AKAP12: variants seen among roughly 807,000 people sequenced by gnomAD.
AKAP12 encodes A-kinase anchor protein 12.
AKAP12 carries 32 observed loss-of-function variants against 79.9 expected under a neutral mutation model. That is an observed-to-expected ratio of 0.40 (90% confidence interval 0.30 to 0.54). The LOEUF is 0.54. AKAP12 is among the 20% of genes least tolerant of loss of function. The probability of loss-of-function intolerance (pLI) is 0.48; values close to 1 mark genes in which losing one functional copy is unlikely to be tolerated. For missense variants in AKAP12, 2,074 were observed against 2,177.0 expected, an observed-to-expected ratio of 0.95 and a Z score of 0.94; for synonymous variants, 808 against 857.0, an observed-to-expected ratio of 0.94 and a Z score of 1.00.
Position 151,351,505 on chromosome 6 carries a change from G to A in AKAP12, c.3114G>A (p.Arg1038=), listed in dbSNP as rs367681954. Residue 1038 remains arginine, a synonymous_variant, in exon 4 of 5, where the codon CGG becomes CGA. Coordinates refer to ENST00000402676, the MANE Select transcript of AKAP12 (RefSeq NM_005100.4). This position sits in a 1 kb window ranked among gnomAD's most constrained non-coding sequence, Gnocchi z 4.4. ...CTGACATAGAAGAGCAAGAGAGGCG[G>A]ACTCAAGAGGTCCTCCAGGCAGTGG... ...GVPDIEEQER[R]TQEVLQAVAE... 21 of 1,614,154 alleles carry A rather than the reference G, an allele frequency of 1.3e-5. No individual in the cohort carries two copies. The highest frequency in any genetic ancestry group is 6.7e-5 in the Admixed American group (4 of 60,022).
rs113714779 is a variant in AKAP12 at position 151,253,107 on chromosome 6, A to G, written c.162+12383A>G. 1.5e-3 allele frequency among the ~76,000 whole-genome samples: 232 copies of G among 152,308 alleles called. 1 individual carries two copies. The highest frequency in any genetic ancestry group is 5.1e-3 in the African/African-American group (212 of 41,568). ...CAGGCCCTGGGTTTTACCTGCCACA[A>G]TGATGAATTTCTATTGTCACTCCCT... On this transcript the variant is annotated intron_variant, in intron 2 of 4. Transcript: ENST00000402676.
At chr6:151,336,907 C>T (rs1777828039) in intron 3 of AKAP12, among the ~76,000 whole-genome samples, 1 of 152,044 alleles carries the variant, frequency 6.6e-6, no homozygotes, top group African/African-American at 2.4e-5. Context: ...GCCCAAGGAC[C>T]CGGTGCTAGT....
rs551923283 is a variant in AKAP12 at position 151,321,947 on chromosome 6, C to T, written c.319+16044C>T. On this transcript the variant is annotated intron_variant, in intron 3 of 4. Transcript: ENST00000402676. ...TTTTTTTGACACAGTCTCACTTTGT[C>T]GCCCAGGCTGGAGTGCAGTGGTGCG... 5.3e-4 allele frequency among the ~76,000 whole-genome samples: 67 copies of T among 125,994 alleles called. 1 individual carries two copies. Among genetic ancestry groups the T allele is most frequent in the South Asian group, 4.0e-3 (16 of 3,966 alleles). 82.7% of individuals were successfully genotyped at this position (125,994 alleles called of 152,430 possible). A position where few individuals can be genotyped will look rare whatever the true frequency, so the allele number is the denominator to read the frequency against.
At chr6:151,328,967 T>C (rs549511870) in intron 3 of AKAP12, among the ~76,000 whole-genome samples, 10 of 152,250 alleles carry the variant, frequency 6.6e-5, no homozygotes, top group African/African-American at 2.4e-4. Context: ...ATGAAATGAT[T>C]GCTTATTCAC....
chr6:151,323,980 AGTC>A, intron 3 of AKAP12: 1 of 985,332 alleles, frequency 1.0e-6, no homozygotes, highest in Non-Finnish European at 1.2e-6. Context: ...CAACATCCCA[AGTC>A]GTCTTTATCC....
chr6:151,304,028 A>G (rs1776921271), intron 2 of AKAP12, among the ~76,000 whole-genome samples: 1 of 152,222 alleles, frequency 6.6e-6, no homozygotes, highest in Admixed American at 6.5e-5. Context: ...CGGTGTCATT[A>G]TTATAAAATG....
At position 151,308,581 on chromosome 6, in the gene AKAP12, T is replaced by G. The variant is rs1719547007; in HGVS notation, c.319+2678T>G. On this transcript the variant is annotated intron_variant, in intron 3 of 4. Transcript: ENST00000402676. Reference sequence around the variant, plus strand: ...ACCTCTAGGAAAAAAGAACTAGATGTGCCTCCATACCATAGCCCAGGGCTA... The same window carrying G: ...ACCTCTAGGAAAAAAGAACTAGATGGGCCTCCATACCATAGCCCAGGGCTA... 3.3e-5 allele frequency among the ~76,000 whole-genome samples: 5 copies of G among 152,148 alleles called. No homozygotes were observed. In the South Asian group the frequency reaches 1.0e-3, roughly 32 times the overall value.
In AKAP12 at chr6:151,354,378, T is replaced by C. The variant is rs529830584; in HGVS notation, c.*12+626T>C. 4.9e-4 allele frequency among the ~76,000 whole-genome samples: 64 copies of C among 130,398 alleles called. No homozygotes were observed. In the South Asian group the frequency reaches 0.013, roughly 27 times the overall value. 85.5% of individuals were successfully genotyped at this position (130,398 alleles called of 152,430 possible). ...CATCTTTGTGGTTTTTGTTTTGTTT[T>C]GTTTTGTTTTCTTGAGACGGAGTCT... On this transcript the variant is annotated intron_variant, in intron 4 of 4. Coordinates refer to ENST00000402676, the MANE Select transcript of AKAP12 (RefSeq NM_005100.4).
intron 3 of AKAP12, among the ~76,000 whole-genome samples, chr6:151,347,390 A>G (rs1435279635): frequency 2.0e-5 from 3 of 152,092 alleles, no homozygotes; most frequent in Non-Finnish European, 4.4e-5. Flanking sequence ...CAAACCCTAT[A>G]TTTCCTGTTA....
rs1255644306 is a variant in AKAP12 at position 151,240,647 on chromosome 6, G to T, written c.85G>T (p.Gly29Cys). The change falls in exon 2 of 5, where the codon GGC becomes TGC. Residue 29 changes from glycine to cysteine, a missense_variant. Coordinates refer to ENST00000402676, the MANE Select transcript of AKAP12 (RefSeq NM_005100.4). ...CACGCCGGCTGAGCCCGAGCCCAGC[G>T]GCGGCGGCCCCTCGGCCGAGGCGGC... ...SSTPAEPEPS[G>C]GGPSAEAAPD... The T allele has an allele frequency of 1.5e-6, 2 of 1,336,282 alleles. No individual in the cohort carries two copies. The highest frequency in any genetic ancestry group is 1.9e-6 in the Non-Finnish European group (2 of 1,047,552). 82.8% of individuals were successfully genotyped at this position (1,336,282 alleles called of 1,614,324 possible). A position where few individuals can be genotyped will look rare whatever the true frequency, so the allele number is the denominator to read the frequency against.
chr6:151,288,054 G>C (rs559356545), intron 2 of AKAP12, among the ~76,000 whole-genome samples: 158 of 151,774 alleles, frequency 1.0e-3, no homozygotes, highest in Middle Eastern at 3.4e-3. Flanking sequence ...TCACACACCG[G>C]GGCCTGTTGG....
rs914330685 is a variant in AKAP12, at chr6:151,356,544, T to C, written c.*830T>C. 2 of 152,216 alleles carry C rather than the reference T, an allele frequency of 1.3e-5. No individual in the cohort carries two copies. Among genetic ancestry groups the C allele is most frequent in the African/African-American group, 4.8e-5 (2 of 41,462 alleles). The allele number at this position is 152,216 out of a possible 1,614,324, so 9.4% of individuals were successfully genotyped here. ...GAGGCAAAGTAGTGAATATGTTTTATATGTTATGAAGAAAAGAATTGTTGT... is the reference window on the plus strand; with the variant it reads ...GAGGCAAAGTAGTGAATATGTTTTACATGTTATGAAGAAAAGAATTGTTGT... On this transcript the variant is annotated 3_prime_UTR_variant, in exon 5 of 5. Coordinates refer to ENST00000402676, the MANE Select transcript of AKAP12 (RefSeq NM_005100.4).
intron 3 of AKAP12, among the ~76,000 whole-genome samples, chr6:151,333,405 C>T (rs1426084680): frequency 6.6e-6 from 1 of 152,174 alleles, no homozygotes; most frequent in Non-Finnish European, 1.5e-5. Flanking sequence ...GCTGTGTTCA[C>T]TAAGCTACAG....
intron 2 of AKAP12, among the ~76,000 whole-genome samples, chr6:151,287,675 A>T (rs1776532925): frequency 6.6e-6 from 1 of 152,222 alleles, no homozygotes. Flanking sequence ...AAGGATCTAG[A>T]ACCAGAAATA....
At chr6:151,320,221 T>C (rs1230972501) in intron 3 of AKAP12, among the ~76,000 whole-genome samples, 1 of 151,986 alleles carries the variant, frequency 6.6e-6, no homozygotes, top group Non-Finnish European at 1.5e-5. Context: ...TGTCCACTGG[T>C]CCCGCCTCCA....
chr6:151,351,484 C>G lies in AKAP12; in HGVS notation c.3093C>G (p.Asp1031Glu), dbSNP rs1275871807. The change falls in exon 4 of 5, where the codon GAC (aspartate) becomes GAG (glutamate). Residue 1031 changes from aspartate (D) to glutamate (E), a missense_variant. Asp to Glu is a conservative substitution (Grantham distance 45). Transcript: ENST00000402676. The surrounding 1 kb of genome is among the most constrained non-coding windows in gnomAD (Gnocchi z 4.4). Reference sequence around the variant, plus strand: ...AGGAGGTGGAAGGTGGCGTACCTGACATAGAAGAGCAAGAGAGGCGGACTC... The same window carrying G: ...AGGAGGTGGAAGGTGGCGTACCTGAGATAGAAGAGCAAGAGAGGCGGACTC... ...PVQEVEGGVPDIEEQERRTQE... is the reference protein window; with the variant it reads ...PVQEVEGGVPEIEEQERRTQE... The G allele has an allele frequency of 1.9e-6, 3 of 1,614,196 alleles. No individual in the cohort carries two copies. The highest frequency in any genetic ancestry group is 2.5e-6 in the Non-Finnish European group (3 of 1,180,040).
intron 2 of AKAP12, among the ~76,000 whole-genome samples, chr6:151,281,505 G>C (rs1406244566): frequency 6.6e-6 from 1 of 152,144 alleles, no homozygotes; most frequent in African/African-American, 2.4e-5. Context: ...ATATGCTTCA[G>C]ATCTCATGGT....
rs1778187916 is a variant in AKAP12, at chr6:151,348,808, G to A, written c.417G>A (p.Gln139=). The change falls in exon 4 of 5, where the codon CAG becomes CAA. Residue 139 remains glutamine, a synonymous_variant. Coordinates refer to ENST00000402676, the MANE Select transcript of AKAP12 (RefSeq NM_005100.4). ...AVVHDITDDG[Q]EETPEIIEQI... ...TTCACGACATCACAGATGATGGGCAGGAGGAGACACCCGAAATAATCGAAC... is the reference window on the plus strand; with the variant it reads ...TTCACGACATCACAGATGATGGGCAAGAGGAGACACCCGAAATAATCGAAC... The A allele has an allele frequency of 6.2e-7, 1 of 1,613,856 alleles. No individual in the cohort carries two copies. The highest frequency in any genetic ancestry group is 8.5e-7 in the Non-Finnish European group (1 of 1,179,982).
Position 151,352,917 on chromosome 6 carries a change from A to C in AKAP12, c.4526A>C (p.Lys1509Thr). The change falls in exon 4 of 5, where the codon AAG becomes ACG. Residue 1509 changes from lysine to threonine, a missense_variant. Transcript: ENST00000402676. ...DLEGEKTTSL[K>T]WKSDEVDEQV... The stretch of plus-strand genomic sequence containing the variant: ...GAAGGAGAGAAAACCACATCACTGA[A>C]GTGGAAGTCAGATGAAGTCGATGAG... 1 of 1,614,168 alleles carries C rather than the reference A, an allele frequency of 6.2e-7. No individual in the cohort carries two copies. Among genetic ancestry groups the C allele is most frequent in the Non-Finnish European group, 8.5e-7 (1 of 1,180,016 alleles).
Sources: allele counts gnomAD v4.1 joint callset (sites outside exome capture counted in the v4.1 genomes callset), GRCh38; gene constraint gnomAD v4.1.1; non-coding constraint Gnocchi (gnomAD v3.1); transcripts MANE v1.5; gene names NCBI Gene and HGNC (gene_info 2026-07-23, HGNC 2026-07-21).